Variants in MTERF4 observed in about 807,000 individuals in gnomAD.
MTERF4 encodes the protein mitochondrial transcription termination factor 4.
MTERF4 carries 17 observed loss-of-function variants against 22.5 expected under a neutral mutation model. The observed-to-expected ratio is 0.75, with a 90% CI of 0.52 to 1.13. The LOEUF is 1.13. Ranked by LOEUF, MTERF4 falls within the 50% of genes most tolerant of loss-of-function variation. The pLI, the probability that MTERF4 is intolerant of heterozygous loss-of-function variation, is 0.00. For missense variants in MTERF4, 420 were observed against 466.8 expected (o/e 0.90, Z 0.92); for synonymous variants, 165 against 175.3 (o/e 0.94, Z 0.47).
chr2:241,067,945 T>G, downstream of MTERF4: 1 of 1,605,870 alleles, frequency 6.2e-7, no homozygotes. Flanking sequence ...GGTTCACCTT[T>G]AGGTAAGAAG....
At chr2:241,070,257 C>T (rs1198938315), downstream of MTERF4, 1 of 1,515,094 alleles carries the variant, frequency 6.6e-7, no homozygotes, top group South Asian at 1.2e-5. Flanking sequence ...GCCCTCCACC[C>T]TGTTCAGGAC....
Position 241,096,162 on chromosome 2 carries a change from C to T in MTERF4, c.982G>A (p.Glu328Lys), listed in dbSNP as rs1339260841. 8.1e-6 allele frequency: 13 copies of T among 1,614,066 alleles called. No homozygotes were observed. The highest frequency in any genetic ancestry group is 1.1e-5 in the Non-Finnish European group (13 of 1,180,044). The change falls in exon 4 of 4, where the codon GAG becomes AAG. Residue 328 changes from glutamate (E) to lysine (K), a missense_variant. Physicochemically the swap from Glu to Lys is moderately conservative, Grantham distance 56 (BLOSUM62 1). Transcript: ENST00000391980. This position sits in a 1 kb window ranked among gnomAD's most constrained non-coding sequence, Gnocchi z 5.1. ...KLLAREEEES[E>K]SSTSDDKRAS... ...CTTTTGTCATCAGATGTGCTGCTCT[C>T]AGACTCCTCCTCCTCCCGAGCCAGG...
At chr2:241,065,017 G>T in the MTERF4 span, 1 of 1,301,696 alleles carries the variant, frequency 7.7e-7, no homozygotes, top group Non-Finnish European at 1.0e-6. Context: ...TCCCTAGAGG[G>T]CCCAACGGTC....
chr2:241,070,163 C>G, downstream of MTERF4: 1 of 1,599,798 alleles, frequency 6.3e-7, no homozygotes, highest in East Asian at 2.3e-5. Context: ...GAGCTCGGGC[C>G]GCAGCACAGC....
downstream of MTERF4, chr2:241,070,067 C>T: frequency 2.5e-6 from 4 of 1,613,112 alleles, no homozygotes; most frequent in Non-Finnish European, 3.4e-6. Context: ...CGCTATGTCC[C>T]CAACGGGAAG....
At chr2:241,069,045 C>G (rs1443945820), downstream of MTERF4, 1 of 1,505,002 alleles carries the variant, frequency 6.6e-7, no homozygotes, top group Non-Finnish European at 9.0e-7. This position sits in a 1 kb window ranked among gnomAD's most constrained non-coding sequence, Gnocchi z 4.9. Context: ...AGCGCGGCCC[C>G]CGGCACACGA....
the MTERF4 span, chr2:241,052,507 A>T: frequency 6.9e-7 from 1 of 1,457,584 alleles, no homozygotes; most frequent in African/African-American, 1.6e-5. Context: ...TACATGGGAT[A>T]CCAGTGCCAG....
the MTERF4 span, chr2:241,062,680 A>G: frequency 1.3e-6 from 1 of 765,336 alleles, no homozygotes; most frequent in Admixed American, 2.0e-5. Flanking sequence ...CTTTCCAACC[A>G]CTGATGATGT....
the MTERF4 span, among the ~76,000 whole-genome samples, chr2:241,050,781 C>T: frequency 6.6e-6 from 1 of 152,178 alleles, no homozygotes; most frequent in Non-Finnish European, 1.5e-5. Flanking sequence ...TGACTCTGGC[C>T]CTACTCCAGC....
At chr2:241,049,808 C>G in the MTERF4 span, 1 of 1,609,022 alleles carries the variant, frequency 6.2e-7, no homozygotes, top group South Asian at 1.1e-5. Context: ...CTCTGTCCCC[C>G]GCCCCCAGCC....
intron 4 of MTERF4, among the ~76,000 whole-genome samples, chr2:241,080,474 G>A (rs534568256): frequency 1.1e-3 from 173 of 152,302 alleles, no homozygotes; most frequent in African/African-American, 3.8e-3. Context: ...TCTAGATCTC[G>A]TTCTCACCAA....
chr2:241,094,071 T>C, downstream of MTERF4: 1 of 332,202 alleles, frequency 3.0e-6, no homozygotes, highest in South Asian at 2.3e-5. This position sits in a 1 kb window ranked among gnomAD's most constrained non-coding sequence, Gnocchi z 4.3. Context: ...GATGCCACAA[T>C]GGAAGAGAAA....
At chr2:241,049,372 A>C in the MTERF4 span, among the ~76,000 whole-genome samples, 24 of 152,338 alleles carry the variant, frequency 1.6e-4, 1 homozygote, top group African/African-American at 5.3e-4. Flanking sequence ...TACAAACACC[A>C]TGTGGTATCT....
the MTERF4 span, among the ~76,000 whole-genome samples, chr2:241,061,683 G>A: frequency 1.3e-5 from 2 of 151,920 alleles, no homozygotes; most frequent in African/African-American, 2.4e-5. Flanking sequence ...TCAGGAGTTC[G>A]AGACCAGCCT....
chr2:241,060,462 G>A, the MTERF4 span, among the ~76,000 whole-genome samples: 5,927 of 152,164 alleles, frequency 0.039, 145 homozygotes, highest in Non-Finnish European at 0.061. Flanking sequence ...GATTACAGGC[G>A]CGAGCCACCA....
chr2:241,051,475 G>T, the MTERF4 span: 1 of 372,636 alleles, frequency 2.7e-6, no homozygotes, highest in Non-Finnish European at 4.8e-6. The surrounding 1 kb of genome is among the most constrained non-coding windows in gnomAD (Gnocchi z 4.7). Context: ...CACAGGAAGG[G>T]CCCAGCCATT....
At chr2:241,049,981 G>T in the MTERF4 span, 1,532 of 1,411,266 alleles carry the variant, frequency 1.1e-3, 16 homozygotes, top group South Asian at 0.017. Context: ...CCTGGAGAGC[G>T]CCCGCGGTCC....
chr2:241,094,325 C>T (rs1267017915), downstream of MTERF4: 1 of 470,314 alleles, frequency 2.1e-6, no homozygotes, highest in East Asian at 6.9e-5. This position sits in a 1 kb window ranked among gnomAD's most constrained non-coding sequence, Gnocchi z 4.3. Flanking sequence ...CAAAGGACTG[C>T]CACTGCCATC....
the MTERF4 span, chr2:241,053,228 C>T: frequency 1.2e-6 from 2 of 1,608,994 alleles, no homozygotes; most frequent in South Asian, 2.2e-5. Flanking sequence ...GGCGCGGTGG[C>T]CCTGTATGCA....
Sources: gnomAD v4.1 joint callset for allele counts (sites outside exome capture counted in the v4.1 genomes callset) on GRCh38, gnomAD v4.1.1 for gene constraint, Gnocchi (gnomAD v3.1) non-coding constraint, MANE v1.5 for transcripts, NCBI Gene and HGNC (gene_info 2026-07-23, HGNC 2026-07-21) for gene names.